Variants in VWA5B1 observed in about 807,000 individuals in gnomAD.
VWA5B1 encodes von Willebrand factor A domain-containing protein 5B1.
VWA5B1 carries 115 observed loss-of-function variants against 118.2 expected under a neutral mutation model. The ratio of observed to expected loss-of-function variants is 0.97; its 90% confidence interval spans 0.84 to 1.14. The LOEUF is 1.14. Ranked by LOEUF, VWA5B1 falls within the 50% of genes most tolerant of loss-of-function variation. The pLI, the probability that VWA5B1 is intolerant of heterozygous loss-of-function variation, is 0.00. For synonymous variants in VWA5B1, 682 were observed against 658.4 expected (o/e 1.04, Z -0.55); for missense variants, 1,596 against 1,603.8 (o/e 1.00, Z 0.08).
Position 20,353,878 on chromosome 1 carries a change from C to T in VWA5B1, c.3263C>T (p.Thr1088Ile), listed in dbSNP as rs1427783618. Residue 1088 changes from threonine (T) to isoleucine (I), a missense_variant, in exon 22 of 22, where the codon ACC becomes ATC. By Grantham distance (89) the Thr-to-Ile change is moderately conservative. Coordinates refer to ENST00000289815, the MANE Select transcript of VWA5B1 (RefSeq NM_001039500.3). ...SPFTCHRVSL[T>I]TRPSESKTPS... ...TTCACCTGCCATCGAGTGTCCCTCA[C>T]CACCCGCCCGTCTGAGTCCAAGACC... is the stretch of plus-strand genomic sequence containing the variant. 2 of 1,545,780 alleles carry T rather than the reference C, an allele frequency of 1.3e-6. No individual in the cohort carries two copies. Among genetic ancestry groups the T allele is most frequent in the Non-Finnish European group, 1.7e-6 (2 of 1,143,706 alleles).
chr1:20,354,353 G>C lies in VWA5B1; in HGVS notation c.*90G>C, dbSNP rs2090192357. 1 of 1,415,866 alleles carries C rather than the reference G, an allele frequency of 7.1e-7. No homozygotes were observed. The allele number at this position is 1,415,866 out of a possible 1,614,324, so 87.7% of individuals were successfully genotyped here. ...GGCCTGGTTTCGGGGAGCTTTTGGAGCTGTAACTAATATTTCAGTTACTAG... is the reference window on the plus strand; with the variant it reads ...GGCCTGGTTTCGGGGAGCTTTTGGACCTGTAACTAATATTTCAGTTACTAG... On this transcript the variant is annotated 3_prime_UTR_variant, in exon 22 of 22. Transcript: ENST00000289815.
At chr1:20,327,029 GATC>G (rs1211680698) in intron 8 of VWA5B1, among the ~76,000 whole-genome samples, 2 of 151,966 alleles carry the variant, frequency 1.3e-5, no homozygotes, top group Admixed American at 6.6e-5. Context: ...TGATCATCAT[GATC>G]ATCATCATCA....
At chr1:20,322,925 CA>C (rs2089265739) in intron 7 of VWA5B1, among the ~76,000 whole-genome samples, 1 of 152,298 alleles carries the variant, frequency 6.6e-6, no homozygotes, top group East Asian at 1.9e-4. Context: ...ACCCAGTTCA[CA>C]GCCAACATGA....
At chr1:20,300,592 C>T (rs146064081) in intron 1 of VWA5B1, among the ~76,000 whole-genome samples, 22 of 152,342 alleles carry the variant, frequency 1.4e-4, no homozygotes, top group Middle Eastern at 3.4e-3. Flanking sequence ...AATGTAACCA[C>T]GCTGGGCTTC....
At chr1:20,315,409 C>T (rs551718249) in intron 4 of VWA5B1, among the ~76,000 whole-genome samples, 1 of 152,348 alleles carries the variant, frequency 6.6e-6, no homozygotes, top group South Asian at 2.1e-4. Context: ...AAGCCCAGTA[C>T]TTGGACAGTT....
intron 7 of VWA5B1, among the ~76,000 whole-genome samples, chr1:20,320,738 A>G (rs942514792): frequency 6.6e-6 from 1 of 152,246 alleles, no homozygotes; most frequent in African/African-American, 2.4e-5. Context: ...GAGTTTATTA[A>G]TAATTGGATA....
At position 20,318,672 on chromosome 1, in the gene VWA5B1, C is replaced by T; in HGVS notation, c.792C>T (p.Ala264=). The stretch of plus-strand genomic sequence containing the variant: ...CCAAGAGCATCATCATCACCTTGGC[C>T]AACAAGCACACCTTTGACCGGCCTG... ...RSAKSIIITL[A]NKHTFDRPVE... Residue 264 remains alanine, a synonymous_variant, in exon 6 of 22, where the codon GCC becomes GCT. Coordinates refer to ENST00000289815, the MANE Select transcript of VWA5B1 (RefSeq NM_001039500.3). The T allele has an allele frequency of 6.5e-7, 1 of 1,546,194 alleles. No homozygotes were observed. Among genetic ancestry groups the T allele is most frequent in the East Asian group, 2.4e-5 (1 of 40,820 alleles).
rs1305025094 is a variant in VWA5B1 at position 20,336,317 on chromosome 1, G to C, written c.1773G>C (p.Arg591=). ...TCTCCCTACAGGACAAGAGGCGCCG[G>C]TACAGCATGCTGCACTCTCAGGAGT... ...ISNPRSDKRR[R]YSMLHSQESG... is the part of the protein sequence containing the mutation. Residue 591 remains arginine (R), a synonymous_variant, in exon 13 of 22, where the codon CGG becomes CGC. Transcript: ENST00000289815. The C allele has an allele frequency of 2.7e-6, 4 of 1,483,584 alleles. No individual in the cohort carries two copies. The highest frequency in any genetic ancestry group is 3.6e-6 in the Non-Finnish European group (4 of 1,110,264). The allele number at this position is 1,483,584 out of a possible 1,614,324, so 91.9% of individuals were successfully genotyped here.
At chr1:20,321,966 G>A (rs1263344808) in intron 7 of VWA5B1, among the ~76,000 whole-genome samples, 4 of 152,162 alleles carry the variant, frequency 2.6e-5, no homozygotes, top group Non-Finnish European at 5.9e-5. Flanking sequence ...AAGAACAGTC[G>A]CTCTGGCTGC....
intron 5 of VWA5B1, 68 bp downstream of exon 5, chr1:20,317,743 G>A: frequency 7.3e-7 from 1 of 1,373,170 alleles, no homozygotes; most frequent in Admixed American, 2.4e-5. Context: ...CCAGGGATGG[G>A]ACGGGGGTGG....
At chr1:20,299,062 T>C (rs2088457506) in intron 1 of VWA5B1, among the ~76,000 whole-genome samples, 1 of 152,174 alleles carries the variant, frequency 6.6e-6, no homozygotes. Context: ...AGATTGCACT[T>C]ACAGGGTTAT....
At chr1:20,309,281 A>G (rs777258692) in intron 1 of VWA5B1, among the ~76,000 whole-genome samples, 2 of 152,248 alleles carry the variant, frequency 1.3e-5, no homozygotes, top group Non-Finnish European at 2.9e-5. Context: ...AGTAACAGAC[A>G]TCGCTCAGAA....
intron 5 of VWA5B1, 32 bp from the exon 6 acceptor site, chr1:20,318,558 C>G: frequency 6.4e-7 from 1 of 1,550,670 alleles, no homozygotes; most frequent in South Asian, 1.2e-5. Flanking sequence ...CCTCATGAGC[C>G]TATATCCCCC....
intron 13 of VWA5B1, 150 bp downstream of exon 13, chr1:20,336,636 G>C: frequency 1.1e-6 from 1 of 946,994 alleles, no homozygotes; most frequent in Non-Finnish European, 1.4e-6. Context: ...GAGACTTGGA[G>C]AATTTGAGCA....
intron 7 of VWA5B1, among the ~76,000 whole-genome samples, chr1:20,321,521 G>T (rs772781293): frequency 6.6e-6 from 1 of 152,222 alleles, no homozygotes; most frequent in Non-Finnish European, 1.5e-5. Context: ...GGAGTTGGAG[G>T]TTGCAGTGAG....
chr1:20,342,607 TG>T lies in VWA5B1; in HGVS notation c.2311+1del. On this transcript the variant is annotated frameshift_variant and splice_region_variant, in exon 15 of 22. Coordinates refer to ENST00000289815, the MANE Select transcript of VWA5B1 (RefSeq NM_001039500.3). LOFTEE classifies it high-confidence loss of function. The stretch of plus-strand genomic sequence containing the variant: ...TCTGACAGCCGAAGCCCTGGAGATC[TG>T]GGTAAGTGACCACAGGGTCCAGGAC... ...RTSDSRSPGDLEPSHHPSAFE... is the reference protein window; with the variant it reads ...RTSDSRSPGDXEPSHHPSAFE... The T allele has an allele frequency of 2.0e-6, 3 of 1,478,544 alleles. No individual in the cohort carries two copies. The highest frequency in any genetic ancestry group is 2.8e-5 in the South Asian group (2 of 71,190). The allele number at this position is 1,478,544 out of a possible 1,614,324, so 91.6% of individuals were successfully genotyped here. A position where few individuals can be genotyped will look rare whatever the true frequency, so the allele number is the denominator to read the frequency against.
chr1:20,331,058 G>A, intron 11 of VWA5B1, 75 bp downstream of exon 11: 2 of 1,289,522 alleles, frequency 1.6e-6, no homozygotes, highest in Non-Finnish European at 2.1e-6. Flanking sequence ...TGGCAACTCA[G>A]TGGTGGAGCT....
intron 15 of VWA5B1, 40 bp downstream of exon 15, chr1:20,342,649 G>A (rs763631270): frequency 2.1e-6 from 3 of 1,442,450 alleles, no homozygotes; most frequent in Non-Finnish European, 9.1e-7. Context: ...TGGGGACAGG[G>A]AGGAATCACT....
At chr1:20,343,794 C>A (rs542964434) in intron 16 of VWA5B1, among the ~76,000 whole-genome samples, 1 of 47,488 alleles carries the variant, frequency 2.1e-5, no homozygotes, top group African/African-American at 1.1e-4. Context: ...CCCGCCCCCC[C>A]TCTCCCGTCG....
Sources: gnomAD v4.1 joint callset for allele counts (sites outside exome capture counted in the v4.1 genomes callset) on GRCh38, gnomAD v4.1.1 for gene constraint, MANE v1.5 for transcripts, NCBI Gene and HGNC (gene_info 2026-07-23, HGNC 2026-07-21) for gene names.